Variants in ZNF561 observed in about 807,000 individuals in gnomAD.
ZNF561 encodes zinc finger protein 561.
ZNF561 carries 16 observed loss-of-function variants against 16.7 expected under a neutral mutation model. The observed-to-expected ratio is 0.96, with a 90% CI of 0.65 to 1.45. ZNF561 has a LOEUF of 1.45. Ranked by LOEUF, ZNF561 falls within the 40% of genes most tolerant of loss-of-function variation. The pLI is 0.00. For synonymous variants in ZNF561, 190 were observed against 192.1 expected (o/e 0.99, Z 0.09); for missense variants, 580 against 578.0 (o/e 1.00, Z -0.04).
intron 5 of ZNF561, among the ~76,000 whole-genome samples, chr19:9,613,421 A>G (rs1383696678): frequency 6.6e-6 from 1 of 151,880 alleles, no homozygotes; most frequent in Non-Finnish European, 1.5e-5. Context: ...TTTAGTAGAG[A>G]TAAGAGTTTC....
At chr19:9,619,379 T>TGGAGGGTGACCTAAAGCAGA in intron 2 of ZNF561, 53 bp downstream of exon 2, 1 of 1,601,410 alleles carries the variant, frequency 6.2e-7, no homozygotes, top group Middle Eastern at 1.7e-4. Context: ...GCTTGTGTTG[T>TGGAGGGTGACCTAAAGCAGA]GGAGGGTGAC....
At chr19:9,619,921 C>CCTATCTATCCTATCTATCTAT (rs2074636439) in intron 1 of ZNF561, among the ~76,000 whole-genome samples, 4 of 116,142 alleles carry the variant, frequency 3.4e-5, no homozygotes, top group Admixed American at 3.4e-4. Flanking sequence ...CTATATCTAT[C>CCTATCTATCCTATCTATCTAT]CTATCTATCT....
chr19:9,614,760 T>C (rs2074524028), intron 4 of ZNF561, among the ~76,000 whole-genome samples: 1 of 151,560 alleles, frequency 6.6e-6, no homozygotes, highest in Admixed American at 6.6e-5. Context: ...TTTGACAAGA[T>C]GGAAAATAAG....
rs1208559091 is a variant in ZNF561, at chr19:9,608,277, G to GAGGAGAGAGGAGAGAGGAGAA, written c.*1902_*1922dup. 6.6e-6 allele frequency: 1 copy of GAGGAGAGAGGAGAGAGGAGAA among 151,848 alleles called. No homozygotes were observed. Among genetic ancestry groups the GAGGAGAGAGGAGAGAGGAGAA allele is most frequent in the Admixed American group, 6.6e-5 (1 of 15,186 alleles). 9.4% of individuals were successfully genotyped at this position (151,848 alleles called of 1,614,324 possible). ...GAGATGGTGGGGAGAGAGAGAGAAAGAGGAGAGAGGAGAGAGGAGAAAGGA... is the reference window on the plus strand; with the variant it reads ...GAGATGGTGGGGAGAGAGAGAGAAAGAGGAGAGAGGAGAGAGGAGAAAGGAGAGAGGAGAGAGGAGAAAGGA... On this transcript the variant is annotated 3_prime_UTR_variant, in exon 6 of 6. Transcript: ENST00000302851.
At chr19:9,616,934 C>G in intron 4 of ZNF561, 111 bp downstream of exon 4, 1 of 1,404,214 alleles carries the variant, frequency 7.1e-7, no homozygotes, top group Non-Finnish European at 9.5e-7. Context: ...ACAATGTTGC[C>G]CATGCTAGTA....
rs1003044454 is a variant in ZNF561, at chr19:9,612,140, C to G, written c.325-804G>C. Among the ~76,000 whole-genome samples, 4 of 152,150 alleles carry G rather than the reference C, an allele frequency of 2.6e-5. No individual in the cohort carries two copies. The East Asian group carries it at 7.7e-4, about 29-fold the overall frequency. On this transcript the variant is annotated intron_variant, in intron 5 of 5. Coordinates refer to ENST00000302851, the MANE Select transcript of ZNF561 (RefSeq NM_152289.3). ...ACAGGGTTTCACCATGTTGGCCAGG[C>G]TGGTTTTGAACCCCTGACCTCAGAT... is the stretch of plus-strand genomic sequence containing the variant.
intron 4 of ZNF561, 25 bp from the exon 5 acceptor site, chr19:9,614,128 G>T: frequency 6.2e-7 from 1 of 1,610,452 alleles, no homozygotes; most frequent in Non-Finnish European, 8.5e-7. Context: ...AAAAAGAAAC[G>T]TAAGGATTTA....
rs541364024 is a variant in ZNF561, at chr19:9,619,389, C to T, written c.25+43G>A. On this transcript the variant is annotated intron_variant, in intron 2 of 5. Transcript: ENST00000302851. ...TGGACGCTTGTGTTGTGGAGGGTGA[C>T]CTAAAGCAGAATCTCTGAAAAAGAG... The T allele has an allele frequency of 3.4e-4, 550 of 1,608,204 alleles. 5 individuals are homozygous for T. In the South Asian group the frequency reaches 5.7e-3, roughly 17 times the overall value.
rs951267161 is a variant in ZNF561 at position 9,609,204 on chromosome 19, A to G, written c.*996T>C. 5 of 152,194 alleles carry G rather than the reference A, an allele frequency of 3.3e-5. No homozygotes were observed. The highest frequency in any genetic ancestry group is 5.9e-5 in the Non-Finnish European group (4 of 68,042). The allele number at this position is 152,194 out of a possible 1,614,324, so 9.4% of individuals were successfully genotyped here. ...TAGCTAATCTATAATCTATAGAAATAATGTTTATCACAGGCTTACTGTCAA... is the reference window on the plus strand; with the variant it reads ...TAGCTAATCTATAATCTATAGAAATGATGTTTATCACAGGCTTACTGTCAA... On this transcript the variant is annotated 3_prime_UTR_variant, in exon 6 of 6. Transcript: ENST00000302851.
In ZNF561 at chr19:9,609,197, T is replaced by C. The variant is rs201342154; in HGVS notation, c.*1003A>G. ...ATACTTTTAGCTAATCTATAATCTA[T>C]AGAAATAATGTTTATCACAGGCTTA... On this transcript the variant is annotated 3_prime_UTR_variant, in exon 6 of 6. Coordinates refer to ENST00000302851, the MANE Select transcript of ZNF561 (RefSeq NM_152289.3). The C allele has an allele frequency of 6.6e-6, 1 of 152,194 alleles. No homozygotes were observed. The highest frequency in any genetic ancestry group is 1.9e-4 in the East Asian group (1 of 5,200). The allele number at this position is 152,194 out of a possible 1,614,324, so 9.4% of individuals were successfully genotyped here. A position where few individuals can be genotyped will look rare whatever the true frequency, so the allele number is the denominator to read the frequency against.
In ZNF561 at chr19:9,617,208, A is replaced by G; in HGVS notation, c.115-37T>C. ...TACACATGCTGGTTTGAGCCAATGAACACTTCCACCAATATTCACTGGAGA... is the reference window on the plus strand; with the variant it reads ...TACACATGCTGGTTTGAGCCAATGAGCACTTCCACCAATATTCACTGGAGA... On this transcript the variant is annotated intron_variant, in intron 3 of 5. Coordinates refer to ENST00000302851, the MANE Select transcript of ZNF561 (RefSeq NM_152289.3). The G allele has an allele frequency of 3.1e-6, 5 of 1,600,446 alleles. No individual in the cohort carries two copies. The South Asian group carries it at 5.6e-5, about 18-fold the overall frequency.
rs573969613 is a variant in ZNF561, at chr19:9,619,656, C to T, written c.-126-74G>A. 2.0e-5 allele frequency: 9 copies of T among 459,144 alleles called. No homozygotes were observed. In the East Asian group the frequency reaches 3.3e-4, roughly 17 times the overall value. 28.4% of individuals were successfully genotyped at this position (459,144 alleles called of 1,614,324 possible). A position where few individuals can be genotyped will look rare whatever the true frequency, so the allele number is the denominator to read the frequency against. On this transcript the variant is annotated intron_variant, in intron 1 of 5. Transcript: ENST00000302851. ...ACATTATGCCTGAGCTTTGTCTCTG[C>T]AGGTGACAGATGTGAAGGCCACCAA...
intron 1 of ZNF561, 22 bp from the exon 2 acceptor site, chr19:9,619,604 C>A (rs2074622368): frequency 3.3e-6 from 2 of 612,752 alleles, no homozygotes; most frequent in Non-Finnish European, 5.3e-6. Context: ...AATCATCAAA[C>A]AACAAGCATG....
rs1247151649 is a variant in ZNF561, at chr19:9,607,555, AT to A, written c.*2644del. 1 of 152,220 alleles carries A rather than the reference AT, an allele frequency of 6.6e-6. No individual in the cohort carries two copies. Among genetic ancestry groups the A allele is most frequent in the East Asian group, 1.9e-4 (1 of 5,202 alleles). The allele number at this position is 152,220 out of a possible 1,614,324, so 9.4% of individuals were successfully genotyped here. ...TGTAAGAGATTAGCCTCTTCAAAAAATAAAATAAAAACCTACAGCCAAGCCA... is the reference window on the plus strand; with the variant it reads ...TGTAAGAGATTAGCCTCTTCAAAAAAAAAATAAAAACCTACAGCCAAGCCA... On this transcript the variant is annotated 3_prime_UTR_variant, in exon 6 of 6. Coordinates refer to ENST00000302851, the MANE Select transcript of ZNF561 (RefSeq NM_152289.3).
In ZNF561 at chr19:9,607,824, A is replaced by G. The variant is rs887520984; in HGVS notation, c.*2376T>C. ...GACTGAATGATAACCCTGAAAATTC[A>G]TATGTTGAAGCTCCAAATCCCAATG... On this transcript the variant is annotated 3_prime_UTR_variant, in exon 6 of 6. Transcript: ENST00000302851. The G allele has an allele frequency of 2.6e-5, 4 of 152,160 alleles. No homozygotes were observed. Among genetic ancestry groups the G allele is most frequent in the Admixed American group, 6.6e-5 (1 of 15,248 alleles). The allele number at this position is 152,160 out of a possible 1,614,324, so 9.4% of individuals were successfully genotyped here. A position where few individuals can be genotyped will look rare whatever the true frequency, so the allele number is the denominator to read the frequency against.
chr19:9,613,994 T>C (rs2074508018), intron 5 of ZNF561, 27 bp downstream of exon 5: 3 of 1,607,678 alleles, frequency 1.9e-6, no homozygotes, highest in Non-Finnish European at 2.6e-6. Context: ...AGAGAGGAAA[T>C]TAAGAAATAT....
chr19:9,608,216 G>A lies in ZNF561; in HGVS notation c.*1984C>T, dbSNP rs1456451707. On this transcript the variant is annotated 3_prime_UTR_variant, in exon 6 of 6. Coordinates refer to ENST00000302851, the MANE Select transcript of ZNF561 (RefSeq NM_152289.3). ...GTATCGTGAAATGATGTCAAGAGAT[G>A]GGTAGGGGGAGGGAGGGGGAGGGAG... is the stretch of plus-strand genomic sequence containing the variant. 2.6e-5 allele frequency: 4 copies of A among 151,668 alleles called. No individual in the cohort carries two copies. Among genetic ancestry groups the A allele is most frequent in the African/African-American group, 9.7e-5 (4 of 41,242 alleles). 9.4% of individuals were successfully genotyped at this position (151,668 alleles called of 1,614,324 possible). A position where few individuals can be genotyped will look rare whatever the true frequency, so the allele number is the denominator to read the frequency against.
At chr19:9,616,626 C>G (rs2074558974) in intron 4 of ZNF561, among the ~76,000 whole-genome samples, 1 of 150,850 alleles carries the variant, frequency 6.6e-6, no homozygotes, top group Non-Finnish European at 1.5e-5. Flanking sequence ...GAGTCTCAAT[C>G]TGTCACCCAG....
At chr19:9,612,692 C>T (rs2074482637) in intron 5 of ZNF561, among the ~76,000 whole-genome samples, 2 of 152,094 alleles carry the variant, frequency 1.3e-5, no homozygotes, top group South Asian at 4.2e-4. Context: ...GTTTTTATTC[C>T]CTGACTTCTT....
Sources: allele counts gnomAD v4.1 joint callset (sites outside exome capture counted in the v4.1 genomes callset), GRCh38; gene constraint gnomAD v4.1.1; transcripts MANE v1.5; gene names NCBI Gene and HGNC (gene_info 2026-07-23, HGNC 2026-07-21).